USP8: variants seen among roughly 807,000 people sequenced by gnomAD.
The protein encoded by USP8 is ubiquitin specific peptidase 8.
USP8 carries 27 observed loss-of-function variants against 130.0 expected under a neutral mutation model. The ratio of observed to expected loss-of-function variants is 0.21; its 90% CI spans 0.15 to 0.29. USP8 has a LOEUF of 0.29. USP8 is among the 10% of genes least tolerant of loss of function. The pLI is 1.00. For missense variants in USP8, 1,029 were observed against 1,312.2 expected, an observed-to-expected ratio of 0.78 and a Z score of 3.33; for synonymous variants, 392 against 444.1, an observed-to-expected ratio of 0.88 and a Z score of 1.48.
intron 8 of USP8, among the ~76,000 whole-genome samples, chr15:50,473,195 G>A (rs1002806807): frequency 3.3e-5 from 5 of 151,938 alleles, no homozygotes; most frequent in Non-Finnish European, 7.4e-5. Context: ...AAAATAATAC[G>A]GTTGTCCTCA....
intron 1 of USP8, among the ~76,000 whole-genome samples, chr15:50,430,509 G>C (rs2049896399): frequency 6.6e-6 from 1 of 152,026 alleles, no homozygotes; most frequent in Non-Finnish European, 1.5e-5. Context: ...GCTCAAGGAA[G>C]GCCTCAGCCT....
Position 50,501,936 on chromosome 15 carries a change from C to T in USP8, c.*2848C>T, listed in dbSNP as rs1181482412. 1.3e-5 allele frequency: 2 copies of T among 152,154 alleles called. No individual in the cohort carries two copies. Among genetic ancestry groups the T allele is most frequent in the Non-Finnish European group, 2.9e-5 (2 of 68,026 alleles). The allele number at this position is 152,154 out of a possible 1,614,324, so 9.4% of individuals were successfully genotyped here. A position where few individuals can be genotyped will look rare whatever the true frequency, so the allele number is the denominator to read the frequency against. On this transcript the variant is annotated 3_prime_UTR_variant, in exon 20 of 20. Coordinates refer to ENST00000307179, the MANE Select transcript of USP8 (RefSeq NM_005154.5). ...CCTTAAAGTTTTATGGGAACACAGT[C>T]ATGCTCATTTGTTTACACTTTTCAG... is the stretch of plus-strand genomic sequence containing the variant.
At chr15:50,495,729 C>A (rs772547966) in intron 16 of USP8, 119 bp from the exon 17 acceptor site, 31 of 779,674 alleles carry the variant, frequency 4.0e-5, no homozygotes, top group Admixed American at 1.8e-4. Flanking sequence ...GATCAGAACT[C>A]CTTTATGAGA....
intron 1 of USP8, among the ~76,000 whole-genome samples, chr15:50,437,374 A>G (rs1452936228): frequency 6.6e-6 from 1 of 152,172 alleles, no homozygotes; most frequent in African/African-American, 2.4e-5. Flanking sequence ...CCTCATTTAT[A>G]TCTTTAAGCA....
intron 7 of USP8, among the ~76,000 whole-genome samples, chr15:50,466,195 A>T (rs1343657440): frequency 4.6e-5 from 7 of 152,300 alleles, no homozygotes; most frequent in African/African-American, 1.4e-4. Context: ...TTAAAATTAT[A>T]TATTTTTAAA....
At chr15:50,493,332 T>C in intron 15 of USP8, 1 of 520,600 alleles carries the variant, frequency 1.9e-6, no homozygotes, top group South Asian at 1.4e-5. Flanking sequence ...AGCATTTTGG[T>C]GTAGGGCTAC....
In USP8 at chr15:50,476,817, C is replaced by T. The variant is rs774080900; in HGVS notation, c.850-32C>T. On this transcript the variant is annotated intron_variant, in intron 8 of 19. Coordinates refer to ENST00000307179, the MANE Select transcript of USP8 (RefSeq NM_005154.5). ...GTTTTTAGCTGTTGAAAGATTGCTG[C>T]CCTATTTAAAATATGATTTCCTTAT... 19 of 1,526,086 alleles carry T rather than the reference C, an allele frequency of 1.2e-5. No individual in the cohort carries two copies. The South Asian group carries it at 1.8e-4, about 15-fold the overall frequency. The allele number at this position is 1,526,086 out of a possible 1,614,324, so 94.5% of individuals were successfully genotyped here.
Position 50,501,160 on chromosome 15 carries a change from CAATAAGAAGAT to C in USP8, c.*2076_*2086del, listed in dbSNP as rs765986080. The C allele has an allele frequency of 4.0e-6, 1 of 249,086 alleles. No homozygotes were observed. Among genetic ancestry groups the C allele is most frequent in the Non-Finnish European group, 8.1e-6 (1 of 123,664 alleles). The allele number at this position is 249,086 out of a possible 1,614,324, so 15.4% of individuals were successfully genotyped here. A position where few individuals can be genotyped will look rare whatever the true frequency, so the allele number is the denominator to read the frequency against. ...CTATTAAGCATTAAAGGAAATTTTACAATAAGAAGATAATTCAGGCCGGGCACAGTGGCTCA... is the reference window on the plus strand; with the variant it reads ...CTATTAAGCATTAAAGGAAATTTTACAATTCAGGCCGGGCACAGTGGCTCA... On this transcript the variant is annotated 3_prime_UTR_variant, in exon 20 of 20. Coordinates refer to ENST00000307179, the MANE Select transcript of USP8 (RefSeq NM_005154.5).
At chr15:50,465,346 G>A (rs558960240) in intron 7 of USP8, among the ~76,000 whole-genome samples, 155 bp downstream of exon 7, 76 of 151,842 alleles carry the variant, frequency 5.0e-4, no homozygotes, top group African/African-American at 1.8e-3. Context: ...TGTGTGGGTG[G>A]TGGGGGAGGG....
At chr15:50,493,120 C>A in intron 15 of USP8, 1 of 646,582 alleles carries the variant, frequency 1.5e-6, no homozygotes, top group Non-Finnish European at 2.8e-6. Context: ...TTGCTGCATC[C>A]TCACAGGGTA....
chr15:50,484,444 T>C, intron 12 of USP8, 83 bp downstream of exon 12: 3 of 1,097,116 alleles, frequency 2.7e-6, no homozygotes, highest in Non-Finnish European at 4.0e-6. Context: ...CACACTGCTA[T>C]CTTTTATCAT....
At chr15:50,443,522 C>T (rs1038569159) in intron 3 of USP8, among the ~76,000 whole-genome samples, 6 of 151,922 alleles carry the variant, frequency 3.9e-5, no homozygotes, top group African/African-American at 1.5e-4. Context: ...CTCACTCTGT[C>T]GCCCAGACTG....
chr15:50,475,557 A>G (rs1392281883), intron 8 of USP8, among the ~76,000 whole-genome samples: 1 of 152,118 alleles, frequency 6.6e-6, no homozygotes, highest in Non-Finnish European at 1.5e-5. Context: ...ATACATGTAT[A>G]TATACACACA....
intron 7 of USP8, among the ~76,000 whole-genome samples, chr15:50,468,285 G>A (rs1167065049): frequency 6.9e-6 from 1 of 144,986 alleles, no homozygotes; most frequent in Non-Finnish European, 1.5e-5. Flanking sequence ...GCTCAGGCTG[G>A]AGTGCAGTTG....
rs1351203409 is a variant in USP8, at chr15:50,498,844, C to T, written c.3172-59C>T. On this transcript the variant is annotated intron_variant, in intron 19 of 19. Coordinates refer to ENST00000307179, the MANE Select transcript of USP8 (RefSeq NM_005154.5). The stretch of plus-strand genomic sequence containing the variant: ...CAACATAAAGCTTTGAAACTATTGG[C>T]GTATTTTAAATAACAATTTTAACTG... 1.8e-5 allele frequency: 28 copies of T among 1,549,960 alleles called. 1 individual carries two copies. Among genetic ancestry groups the T allele is most frequent in the East Asian group, 9.1e-5 (4 of 44,146 alleles).
intron 16 of USP8, among the ~76,000 whole-genome samples, chr15:50,495,174 C>T (rs2052328219): frequency 6.6e-6 from 1 of 151,630 alleles, no homozygotes; most frequent in African/African-American, 2.4e-5. Context: ...GGTCACCATT[C>T]TTAACCACTG....
chr15:50,427,504 A>G (rs1227798545), intron 1 of USP8, among the ~76,000 whole-genome samples: 6 of 152,034 alleles, frequency 3.9e-5, no homozygotes. Context: ...TTAGTACTGA[A>G]TGATGAAATA....
intron 2 of USP8, among the ~76,000 whole-genome samples, chr15:50,440,259 C>T (rs1441528367): frequency 1.3e-5 from 2 of 152,172 alleles, no homozygotes; most frequent in South Asian, 2.1e-4. Context: ...AAGGTCAGGC[C>T]TAAGACCGTT....
rs113941806 is a variant in USP8, at chr15:50,433,078, C to T, written c.-65-5931C>T. 3.0e-3 allele frequency among the ~76,000 whole-genome samples: 452 copies of T among 152,202 alleles called. 1 individual carries two copies. Among genetic ancestry groups the T allele is most frequent in the African/African-American group, 0.01 (428 of 41,528 alleles). ...CCAACATGGAGAAACCCTGTCTCTACTAAAATACAAAAATTAGTGGGGCAT... is the reference window on the plus strand; with the variant it reads ...CCAACATGGAGAAACCCTGTCTCTATTAAAATACAAAAATTAGTGGGGCAT... On this transcript the variant is annotated intron_variant, in intron 1 of 19. Coordinates refer to ENST00000307179, the MANE Select transcript of USP8 (RefSeq NM_005154.5).
Sources: gnomAD v4.1 joint callset for allele counts (sites outside exome capture counted in the v4.1 genomes callset) on GRCh38, gnomAD v4.1.1 for gene constraint, MANE v1.5 for transcripts, NCBI Gene and HGNC (gene_info 2026-07-23, HGNC 2026-07-21) for gene names.